The following SAP30BP variants were observed in gnomAD, a reference collection of about 807,000 sequenced individuals.
The protein encoded by SAP30BP is SAP30 binding protein.
In SAP30BP, 31 loss-of-function variants were observed where a neutral mutation model predicts 46.3. That is an observed-to-expected ratio of 0.67 (90% CI 0.50 to 0.90). The LOEUF (loss-of-function observed/expected upper bound fraction) is 0.90. SAP30BP is among the 40% of genes least tolerant of loss of function. SAP30BP has a pLI of 0.00. For missense variants in SAP30BP, 312 were observed against 391.0 expected (o/e 0.80, Z 1.70); for synonymous variants, 169 against 144.2 (o/e 1.17, Z -1.23).
intron 5 of SAP30BP, among the ~76,000 whole-genome samples, chr17:75,701,663 G>A (rs368024162): frequency 2.6e-5 from 4 of 152,282 alleles, no homozygotes; most frequent in Non-Finnish European, 4.4e-5. Context: ...TTGCAAGACC[G>A]AATCCAAAAA....
chr17:75,680,238 TC>T (rs2060056019), intron 3 of SAP30BP, among the ~76,000 whole-genome samples: 1 of 152,062 alleles, frequency 6.6e-6, no homozygotes, highest in Non-Finnish European at 1.5e-5. Flanking sequence ...AAAACAAAAT[TC>T]CGTCTTCTGG....
Position 75,687,161 on chromosome 17 carries a change from A to G in SAP30BP, c.265-6279A>G, listed in dbSNP as rs117423275. Reference sequence around the variant, plus strand: ...AGAGCTTAGCATAATACCTAAACTTATTCCCCTAGATTGAGTTTTCATATT... The same window carrying G: ...AGAGCTTAGCATAATACCTAAACTTGTTCCCCTAGATTGAGTTTTCATATT... On this transcript the variant is annotated intron_variant, in intron 3 of 10. Coordinates refer to ENST00000584667, the MANE Select transcript of SAP30BP (RefSeq NM_013260.8). Among the ~76,000 whole-genome samples, 714 of 152,318 alleles carry G rather than the reference A, an allele frequency of 4.7e-3. 3 individuals carry two copies. The highest frequency in any genetic ancestry group is 7.6e-3 in the Non-Finnish European group (519 of 68,018).
chr17:75,689,229 A>G (rs1243233389), intron 3 of SAP30BP, among the ~76,000 whole-genome samples: 1 of 147,750 alleles, frequency 6.8e-6, no homozygotes, highest in Non-Finnish European at 1.5e-5. Context: ...GCTCACTGCA[A>G]CCTCCACCTC....
chr17:75,674,597 A>G (rs1054693120), intron 3 of SAP30BP, among the ~76,000 whole-genome samples: 1 of 151,762 alleles, frequency 6.6e-6, no homozygotes, highest in African/African-American at 2.4e-5. Flanking sequence ...TGCCCAGCCC[A>G]CATTTTTTTA....
intron 2 of SAP30BP, 101 bp downstream of exon 2, chr17:75,668,726 C>A: frequency 1.4e-6 from 1 of 715,932 alleles, no homozygotes; most frequent in Non-Finnish European, 2.3e-6. Flanking sequence ...TAGCTCCATC[C>A]CTTGCTCTCC....
rs764721526 is a variant in SAP30BP at position 75,706,449 on chromosome 17, C to T, written c.855C>T (p.Thr285=). The change falls in exon 11 of 11, where the codon ACC becomes ACT. Residue 285 remains threonine (T), a synonymous_variant. Coordinates refer to ENST00000584667, the MANE Select transcript of SAP30BP (RefSeq NM_013260.8). This position sits in a 1 kb window ranked among gnomAD's most constrained non-coding sequence, Gnocchi z 4.6. ...CCCTGCCAGCTGTTGTCACGGTCAC[C>T]ACCAGCGCCAGCGGCTCCAAGACCA... ...TATLPAVVTV[T]TSASGSKTTV... 1.9e-6 allele frequency: 3 copies of T among 1,614,210 alleles called. No homozygotes were observed. Among genetic ancestry groups the T allele is most frequent in the Non-Finnish European group, 2.5e-6 (3 of 1,180,048 alleles).
chr17:75,696,171 A>G (rs1179575594), intron 4 of SAP30BP, among the ~76,000 whole-genome samples: 1 of 152,088 alleles, frequency 6.6e-6, no homozygotes, highest in South Asian at 2.1e-4. Context: ...GCAGCCACAG[A>G]CCCAGCGCTG....
rs551603087 is a variant in SAP30BP, at chr17:75,708,058, C to T, written c.*1537C>T. ...GCTTTATAAACTGTAAAGTTCCTGC[C>T]AGTGTTTTTTGTTGGCTAAATCCAA... is the stretch of plus-strand genomic sequence containing the variant. On this transcript the variant is annotated 3_prime_UTR_variant, in exon 11 of 11. Transcript: ENST00000584667. The T allele has an allele frequency of 1.8e-4, 26 of 148,018 alleles. No individual in the cohort carries two copies. The highest frequency in any genetic ancestry group is 5.6e-4 in the African/African-American group (23 of 41,112). 9.2% of individuals were successfully genotyped at this position (148,018 alleles called of 1,614,324 possible).
intron 3 of SAP30BP, among the ~76,000 whole-genome samples, chr17:75,683,193 A>G (rs1022273433): frequency 2.0e-5 from 3 of 150,424 alleles, no homozygotes; most frequent in African/African-American, 7.3e-5. Flanking sequence ...ACAGGTGCAC[A>G]CCACCACGCC....
rs752106240 is a variant in SAP30BP at position 75,668,503 on chromosome 17, T to G, written c.107-13T>G. The G allele has an allele frequency of 2.0e-6, 3 of 1,484,650 alleles. No individual in the cohort carries two copies. Among genetic ancestry groups the G allele is most frequent in the Admixed American group, 4.7e-5 (2 of 42,168 alleles). The allele number at this position is 1,484,650 out of a possible 1,614,324, so 92.0% of individuals were successfully genotyped here. A position where few individuals can be genotyped will look rare whatever the true frequency, so the allele number is the denominator to read the frequency against. On this transcript the variant is annotated splice_polypyrimidine_tract_variant and intron_variant, in intron 1 of 10. Coordinates refer to ENST00000584667, the MANE Select transcript of SAP30BP (RefSeq NM_013260.8). ...TTGCTTTTTGTTTGTTTGTTTGTTT[T>G]TTAACCTTTCAGAGGAGAAAGGCGG...
rs760751152 is a variant in SAP30BP, at chr17:75,707,508, C to G, written c.*987C>G. ...CCACTGGAGCGGAAGGGCTGTGTGT[C>G]AAAAGAAGGAAGCCAGGCTGTGAAG... On this transcript the variant is annotated 3_prime_UTR_variant, in exon 11 of 11. Transcript: ENST00000584667. 6.5e-6 allele frequency: 1 copy of G among 152,682 alleles called. No homozygotes were observed. The highest frequency in any genetic ancestry group is 1.5e-5 in the Non-Finnish European group (1 of 68,110). 9.5% of individuals were successfully genotyped at this position (152,682 alleles called of 1,614,324 possible).
intron 3 of SAP30BP, 42 bp from the exon 4 acceptor site, chr17:75,693,398 G>A (rs758640351): frequency 6.3e-7 from 1 of 1,577,868 alleles, no homozygotes; most frequent in Admixed American, 1.7e-5. Flanking sequence ...GCTGGTTCAG[G>A]AGCCCCAGTC....
intron 3 of SAP30BP, among the ~76,000 whole-genome samples, chr17:75,674,799 T>C (rs1312086847): frequency 7.1e-6 from 1 of 141,398 alleles, no homozygotes; most frequent in Non-Finnish European, 1.5e-5. Flanking sequence ...CCTCCCTGGC[T>C]CAATTAATCC....
At chr17:75,704,502 G>A (rs922942084) in intron 8 of SAP30BP, among the ~76,000 whole-genome samples, 8 of 152,148 alleles carry the variant, frequency 5.3e-5, no homozygotes, top group South Asian at 2.1e-4. Context: ...CTGTATTCCC[G>A]TGTGTGGCAG....
intron 1 of SAP30BP, among the ~76,000 whole-genome samples, chr17:75,667,706 GC>G (rs1427670686): frequency 1.3e-5 from 2 of 152,236 alleles, no homozygotes; most frequent in African/African-American, 4.8e-5. Context: ...AAGACTCCGT[GC>G]CGGCTATAGT....
At chr17:75,686,370 G>T (rs1227045296) in intron 3 of SAP30BP, among the ~76,000 whole-genome samples, 3 of 152,078 alleles carry the variant, frequency 2.0e-5, no homozygotes, top group Non-Finnish European at 4.4e-5. Flanking sequence ...ACAAAAATTA[G>T]CCAGGCGTGG....
chr17:75,696,376 T>TA (rs752488782), intron 4 of SAP30BP, among the ~76,000 whole-genome samples: 43,237 of 122,846 alleles, frequency 0.35, 7,041 homozygotes, highest in South Asian at 0.42. Context: ...CTACTAAAAA[T>TA]CCAAAAAAAA....
At chr17:75,691,364 G>A (rs1300970148) in intron 3 of SAP30BP, 5 of 450,310 alleles carry the variant, frequency 1.1e-5, no homozygotes, top group Non-Finnish European at 2.2e-5. Context: ...TACTTCCTGT[G>A]ATTTTGCCCC....
chr17:75,697,583 C>G (rs2060342337), intron 4 of SAP30BP, among the ~76,000 whole-genome samples: 1 of 152,232 alleles, frequency 6.6e-6, no homozygotes, highest in African/African-American at 2.4e-5. Flanking sequence ...AGTCTCTGTC[C>G]TCTTGCCGTC....
Sources: gnomAD v4.1 joint callset for allele counts (sites outside exome capture counted in the v4.1 genomes callset) on GRCh38, gnomAD v4.1.1 for gene constraint, Gnocchi (gnomAD v3.1) non-coding constraint, MANE v1.5 for transcripts, NCBI Gene and HGNC (gene_info 2026-07-23, HGNC 2026-07-21) for gene names.